Variants in CLDN16 observed in about 807,000 individuals in gnomAD.
CLDN16 encodes the protein claudin-16.
Under a neutral mutation model 24.6 loss-of-function variants are expected in CLDN16, and 13 were observed. The observed-to-expected ratio is 0.53, with a 90% confidence interval of 0.34 to 0.84. The LOEUF (loss-of-function observed/expected upper bound fraction) is 0.84. CLDN16 is among the 40% of genes least tolerant of loss of function. The pLI is 0.01. For synonymous variants in CLDN16, 116 were observed against 106.7 expected (o/e 1.09, Z -0.54); for missense variants, 298 against 292.7 (o/e 1.02, Z -0.13).
the CLDN16 span, among the ~76,000 whole-genome samples, chr3:190,296,593 A>G: frequency 7.2e-6 from 1 of 138,564 alleles, no homozygotes; most frequent in Non-Finnish European, 1.5e-5. Flanking sequence ...TCTGTCGCCC[A>G]GGCTGGAGTG....
intron 1 of CLDN16, among the ~76,000 whole-genome samples, chr3:190,361,320 A>C (rs1198262544): frequency 1.3e-5 from 2 of 152,004 alleles, no homozygotes; most frequent in Non-Finnish European, 2.9e-5. Flanking sequence ...TAACTGAGGA[A>C]ATTATGACAG....
At chr3:190,320,164 T>C (rs1481294711), upstream of CLDN16, among the ~76,000 whole-genome samples, 1 of 152,218 alleles carries the variant, frequency 6.6e-6, no homozygotes, top group Non-Finnish European at 1.5e-5. Flanking sequence ...TTTTAACACA[T>C]TATCATGTGT....
chr3:190,297,357 G>A, the CLDN16 span, among the ~76,000 whole-genome samples: 22 of 150,616 alleles, frequency 1.5e-4, no homozygotes, highest in African/African-American at 4.2e-4. Context: ...ATTTGAAAAC[G>A]GGGAAAGGAC....
At chr3:190,303,767 G>A in the CLDN16 span, among the ~76,000 whole-genome samples, 96,466 of 151,946 alleles carry the variant, frequency 0.63, 31,307 homozygotes, top group African/African-American at 0.76. Flanking sequence ...TTGTATTATT[G>A]ACTATTCTTT....
chr3:190,356,804 CATA>C (rs1351962724), intron 1 of CLDN16, among the ~76,000 whole-genome samples: 1 of 151,778 alleles, frequency 6.6e-6, no homozygotes, highest in Non-Finnish European at 1.5e-5. Context: ...AATTTTGAAA[CATA>C]ATGATTGCAG....
chr3:190,364,973 C>T (rs1436168316), intron 1 of CLDN16, among the ~76,000 whole-genome samples: 1 of 151,642 alleles, frequency 6.6e-6, no homozygotes, highest in Non-Finnish European at 1.5e-5. Context: ...TCAATGGATA[C>T]TTGTTTTGAG....
intron 2 of CLDN16, among the ~76,000 whole-genome samples, chr3:190,373,699 C>T (rs1718188606): frequency 6.6e-6 from 1 of 151,834 alleles, no homozygotes; most frequent in South Asian, 2.1e-4. Context: ...GAACAGGTGT[C>T]AGTCATCACT....
the CLDN16 span, among the ~76,000 whole-genome samples, chr3:190,302,494 A>T: frequency 1.3e-5 from 2 of 152,156 alleles, no homozygotes; most frequent in African/African-American, 4.8e-5. Context: ...ATGTGAGGCC[A>T]GTGTGGTGGC....
chr3:190,297,343 T>C, the CLDN16 span, among the ~76,000 whole-genome samples: 1 of 151,104 alleles, frequency 6.6e-6, no homozygotes, highest in African/African-American at 2.4e-5. Context: ...CGAGGCAGGA[T>C]GATATTTGAA....
At chr3:190,329,650 G>C (rs1485649772) in intron 1 of CLDN16, among the ~76,000 whole-genome samples, 1 of 152,184 alleles carries the variant, frequency 6.6e-6, no homozygotes, top group African/African-American at 2.4e-5. Flanking sequence ...GTGGGTATTA[G>C]ACATTAGTTT....
chr3:190,387,736 G>A (rs183053928), upstream of CLDN16: 16 of 277,448 alleles, frequency 5.8e-5, no homozygotes, highest in African/African-American at 2.2e-5. Flanking sequence ...GCTGTTCTAC[G>A]CAACACTTTG....
chr3:190,388,704 G>A (rs1718572976), intron 1 of CLDN16, among the ~76,000 whole-genome samples: 3 of 152,088 alleles, frequency 2.0e-5, no homozygotes, highest in Non-Finnish European at 4.4e-5. Flanking sequence ...TTCCACAAGG[G>A]TAATTAAGTG....
At chr3:190,394,636 A>T (rs1488437340) in intron 1 of CLDN16, among the ~76,000 whole-genome samples, 1 of 152,178 alleles carries the variant, frequency 6.6e-6, no homozygotes, top group Non-Finnish European at 1.5e-5. Flanking sequence ...GCACTGATGT[A>T]CATTAATGTG....
chr3:190,378,355 A>G (rs1316722312), intron 3 of CLDN16, among the ~76,000 whole-genome samples: 1 of 151,926 alleles, frequency 6.6e-6, no homozygotes, highest in African/African-American at 2.4e-5. Context: ...GGAGGGTAAA[A>G]CTCACAAGGT....
At chr3:190,366,577 G>T (rs748831696) in intron 1 of CLDN16, among the ~76,000 whole-genome samples, 13 of 151,972 alleles carry the variant, frequency 8.6e-5, no homozygotes, top group Admixed American at 5.9e-4. Context: ...GTAAAAGGGT[G>T]AGAGTAAGAC....
chr3:190,301,229 T>C, the CLDN16 span, among the ~76,000 whole-genome samples: 2 of 152,182 alleles, frequency 1.3e-5, no homozygotes, highest in African/African-American at 4.8e-5. Flanking sequence ...GTGCGGTGAC[T>C]CATGCCTGTA....
At chr3:190,402,527 A>G (rs1718990394) in intron 2 of CLDN16, 88 bp downstream of exon 2, 7 of 980,570 alleles carry the variant, frequency 7.1e-6, no homozygotes, top group Admixed American at 3.5e-5. Flanking sequence ...TTTGTTTTCT[A>G]TTGTACTATA....
At chr3:190,406,851 C>T (rs1159936554) in intron 3 of CLDN16, among the ~76,000 whole-genome samples, 2 of 150,900 alleles carry the variant, frequency 1.3e-5, no homozygotes, top group Non-Finnish European at 2.9e-5. Context: ...ACGCCATTCT[C>T]CTGCCTCAGC....
the CLDN16 span, among the ~76,000 whole-genome samples, chr3:190,314,653 C>A: frequency 6.6e-6 from 1 of 152,030 alleles, no homozygotes; most frequent in East Asian, 1.9e-4. Flanking sequence ...GTCTGCCCAC[C>A]TCGGCCTCCC....
Sources: gnomAD v4.1 joint callset for allele counts (sites outside exome capture counted in the v4.1 genomes callset) on GRCh38, gnomAD v4.1.1 for gene constraint, MANE v1.5 for transcripts, NCBI Gene and HGNC (gene_info 2026-07-23, HGNC 2026-07-21) for gene names.